Variants in WDR19 observed in about 807,000 individuals in gnomAD.
WDR19 encodes WD repeat domain 19.
A neutral mutation model predicts 180.0 loss-of-function variants in WDR19; 121 were observed. That is an observed-to-expected ratio of 0.67 (90% CI 0.58 to 0.78). WDR19 has a LOEUF of 0.78. Among genes scored for constraint, WDR19 ranks in the 30% least tolerant of loss-of-function variants. WDR19 has a pLI of 0.00. For synonymous variants in WDR19, 497 were observed against 540.7 expected (o/e 0.92, Z 1.12); for missense variants, 1,450 against 1,640.7 (o/e 0.88, Z 2.01).
Position 39,203,729 on chromosome 4 carries a change from A to C in WDR19, c.603+7A>C. Reference sequence around the variant, plus strand: ...CTCTGCTGCTGAAAGCATGGTAAGAATTCTAATCAAATCCACGTGCAAATC... The same window carrying C: ...CTCTGCTGCTGAAAGCATGGTAAGACTTCTAATCAAATCCACGTGCAAATC... On this transcript the variant is annotated splice_region_variant and intron_variant, in intron 7 of 36. Transcript: ENST00000399820. The C allele has an allele frequency of 6.2e-7, 1 of 1,608,004 alleles. No individual in the cohort carries two copies. The highest frequency in any genetic ancestry group is 8.5e-7 in the Non-Finnish European group (1 of 1,176,634).
rs1553919965 is a variant in WDR19, at chr4:39,281,215, G to GTATATA, written c.*13+2569_*13+2574dup. Among the ~76,000 whole-genome samples, 4 of 110,138 alleles carry GTATATA rather than the reference G, an allele frequency of 3.6e-5. No homozygotes were observed. In the East Asian group the frequency reaches 6.9e-4, roughly 19 times the overall value. The allele number at this position is 110,138 out of a possible 152,430, so 72.3% of individuals were successfully genotyped here. ...TTGTCCTAAATATATATGTGTGTGT[G>GTATATA]TATATATATATATATATATATAGAG... On this transcript the variant is annotated intron_variant, in intron 36 of 36. Transcript: ENST00000399820.
chr4:39,202,043 A>G (rs1727423086), intron 6 of WDR19, among the ~76,000 whole-genome samples: 1 of 152,190 alleles, frequency 6.6e-6, no homozygotes, highest in Admixed American at 6.5e-5. Flanking sequence ...TGCTTCCTGA[A>G]TCTGAAGATT....
At chr4:39,241,932 G>GT (rs1250620976) in intron 21 of WDR19, among the ~76,000 whole-genome samples, 1 of 114,588 alleles carries the variant, frequency 8.7e-6, no homozygotes, top group Non-Finnish European at 2.0e-5. Context: ...TTGTAATATG[G>GT]ATTTTTTTTT....
At chr4:39,281,234 T>TAGAGAG (rs1189043858) in intron 36 of WDR19, among the ~76,000 whole-genome samples, 300 of 108,362 alleles carry the variant, frequency 2.8e-3, no homozygotes, top group African/African-American at 6.0e-3. Flanking sequence ...TATATATATA[T>TAGAGAG]ATAGAGAGAG....
At chr4:39,280,051 T>C (rs572869956) in intron 36 of WDR19, among the ~76,000 whole-genome samples, 3 of 151,568 alleles carry the variant, frequency 2.0e-5, no homozygotes, top group Non-Finnish European at 2.9e-5. Context: ...TTATATGTTC[T>C]AGATACAAGT....
intron 15 of WDR19, among the ~76,000 whole-genome samples, chr4:39,225,696 T>C (rs1730174896): frequency 6.6e-6 from 1 of 152,174 alleles, no homozygotes; most frequent in Non-Finnish European, 1.5e-5. Context: ...TCCAGGTGCC[T>C]AGGTCTCACT....
chr4:39,274,561 G>C, intron 32 of WDR19: 1 of 450,046 alleles, frequency 2.2e-6, no homozygotes, highest in Admixed American at 3.6e-5. Context: ...TTGCCTCAAG[G>C]GGTGCAGGTC....
chr4:39,231,564 G>A (rs1730864412), intron 17 of WDR19, among the ~76,000 whole-genome samples: 1 of 152,146 alleles, frequency 6.6e-6, no homozygotes. Flanking sequence ...AATTGAGTAG[G>A]CTTATTACAG....
At chr4:39,218,425 A>G (rs530510614) in intron 14 of WDR19, 102 of 296,986 alleles carry the variant, frequency 3.4e-4, no homozygotes, top group Non-Finnish European at 4.2e-4. Flanking sequence ...ACAGCATGTG[A>G]CTGTACTGAA....
chr4:39,253,398 T>C, intron 25 of WDR19, 106 bp downstream of exon 25: 5 of 1,298,744 alleles, frequency 3.8e-6, no homozygotes, highest in Non-Finnish European at 4.2e-6. Flanking sequence ...ATTTAGTCTT[T>C]ATTTTTTTAT....
At position 39,198,399 on chromosome 4, in the gene WDR19, A is replaced by G. The variant is rs1179073806; in HGVS notation, c.407-1079A>G. Among the ~76,000 whole-genome samples the G allele has an allele frequency of 3.3e-5, 5 of 151,754 alleles. No homozygotes were observed. The South Asian group carries it at 8.3e-4, about 25-fold the overall frequency. On this transcript the variant is annotated intron_variant, in intron 5 of 36. Coordinates refer to ENST00000399820, the MANE Select transcript of WDR19 (RefSeq NM_025132.4). ...TGGTGAAACCCCATCTCTACTAAAAATACAAAAAAAAATTAGCCAGGCATG... is the reference window on the plus strand; with the variant it reads ...TGGTGAAACCCCATCTCTACTAAAAGTACAAAAAAAAATTAGCCAGGCATG...
chr4:39,231,037 G>GC (rs1730789610), intron 17 of WDR19, among the ~76,000 whole-genome samples: 1 of 151,670 alleles, frequency 6.6e-6, no homozygotes, highest in African/African-American at 2.4e-5. Flanking sequence ...CTGGGCCGGG[G>GC]ACGGTGGCTC....
At chr4:39,206,743 G>A (rs1228656621) in intron 9 of WDR19, among the ~76,000 whole-genome samples, 3 of 152,170 alleles carry the variant, frequency 2.0e-5, no homozygotes, top group Non-Finnish European at 4.4e-5. Context: ...TCATAGCCAA[G>A]GTCTTATACT....
chr4:39,239,266 G>A (rs935225386), intron 20 of WDR19, among the ~76,000 whole-genome samples: 2 of 152,082 alleles, frequency 1.3e-5, no homozygotes, highest in African/African-American at 2.4e-5. Context: ...GTGAGCCACC[G>A]TGCCTGGCCC....
intron 36 of WDR19, 139 bp from the exon 37 acceptor site, chr4:39,285,348 T>A (rs1328782625): frequency 6.6e-6 from 1 of 152,208 alleles, no homozygotes; most frequent in Non-Finnish European, 1.5e-5. Context: ...GTCTAGAGAT[T>A]TCTAACTTGA....
At chr4:39,267,880 G>A in intron 29 of WDR19, 115 bp from the exon 30 acceptor site, 1 of 932,672 alleles carries the variant, frequency 1.1e-6, no homozygotes, top group Non-Finnish European at 1.7e-6. Context: ...AGTTTTTAAA[G>A]CAATATCAAT....
intron 20 of WDR19, among the ~76,000 whole-genome samples, chr4:39,235,730 A>G (rs1731308208): frequency 6.6e-6 from 1 of 152,190 alleles, no homozygotes; most frequent in South Asian, 2.1e-4. Context: ...TTTGCAAACT[A>G]TGCATCCAGC....
At chr4:39,236,252 G>A (rs1225475577) in intron 20 of WDR19, among the ~76,000 whole-genome samples, 1 of 152,090 alleles carries the variant, frequency 6.6e-6, no homozygotes, top group Non-Finnish European at 1.5e-5. Flanking sequence ...CATCAGTGGA[G>A]CACTGGAGAA....
intron 9 of WDR19, among the ~76,000 whole-genome samples, chr4:39,211,867 T>C (rs1011539294): frequency 4.6e-5 from 7 of 152,060 alleles, no homozygotes; most frequent in Non-Finnish European, 1.5e-5. Flanking sequence ...TAATGAAATT[T>C]ATATCAAAAT....
Sources: allele counts gnomAD v4.1 joint callset (sites outside exome capture counted in the v4.1 genomes callset), GRCh38; gene constraint gnomAD v4.1.1; transcripts MANE v1.5; gene names NCBI Gene and HGNC (gene_info 2026-07-23, HGNC 2026-07-21).